The following DOCK3 variants were observed in gnomAD, a reference collection of about 807,000 sequenced individuals.
DOCK3 encodes the protein dedicator of cytokinesis 3.
DOCK3 carries 60 observed loss-of-function variants against 265.6 expected under a neutral mutation model. The observed-to-expected ratio is 0.23, with a 90% CI of 0.18 to 0.28. The LOEUF (loss-of-function observed/expected upper bound fraction) is 0.28. Ranked by LOEUF, DOCK3 falls within the 10% of genes least tolerant of loss-of-function variation. The pLI is 1.00. For synonymous variants in DOCK3, 881 were observed against 938.0 expected, an observed-to-expected ratio of 0.94 and a Z score of 1.11; for missense variants, 1,981 against 2,594.3, an observed-to-expected ratio of 0.76 and a Z score of 5.14.
At chr3:51,264,846 A>AAATAAATAAATAAATG (rs2080072992) in intron 23 of DOCK3, among the ~76,000 whole-genome samples, 1 of 151,096 alleles carries the variant, frequency 6.6e-6, no homozygotes, top group Non-Finnish European at 1.5e-5. Context: ...ATAAATAAAT[A>AAATAAATAAATAAATG]AATAAATAAA....
At chr3:50,766,665 A>T (rs1165691524) in intron 1 of DOCK3, among the ~76,000 whole-genome samples, 1 of 152,122 alleles carries the variant, frequency 6.6e-6, no homozygotes, top group African/African-American at 2.4e-5. Flanking sequence ...GTCAAATGGT[A>T]TTTCTAGTTC....
chr3:50,833,164 CT>C (rs1237020239), intron 2 of DOCK3, among the ~76,000 whole-genome samples: 1 of 152,126 alleles, frequency 6.6e-6, no homozygotes, highest in Non-Finnish European at 1.5e-5. Context: ...ACTCATCCCT[CT>C]GTTTCTTCTG....
Position 51,356,202 on chromosome 3 carries a change from C to G in DOCK3, c.4363C>G (p.Arg1455Gly). The G allele has an allele frequency of 6.2e-7, 1 of 1,613,936 alleles. No individual in the cohort carries two copies. The highest frequency in any genetic ancestry group is 8.5e-7 in the Non-Finnish European group (1 of 1,179,872). ...FYRVNNVRKF[R>G]YDRPFHKGPK... ...TCGCGTCAACAATGTGAGGAAGTTC[C>G]GGTATGACAGGCCTTTTCACAAAGG... The change falls in exon 42 of 53, where the codon CGG (arginine) becomes GGG (glycine). Residue 1455 changes from arginine to glycine, a missense_variant. By Grantham distance (125) the Arg-to-Gly change is moderately radical. Coordinates refer to ENST00000266037, the MANE Select transcript of DOCK3 (RefSeq NM_004947.5).
intron 5 of DOCK3, among the ~76,000 whole-genome samples, chr3:51,046,071 C>T (rs1387002102): frequency 6.6e-6 from 1 of 151,150 alleles, no homozygotes; most frequent in Non-Finnish European, 1.5e-5. Flanking sequence ...TAATGGTAAC[C>T]ACAAAGAAAA....
At chr3:50,702,644 C>G (rs565760647) in intron 1 of DOCK3, among the ~76,000 whole-genome samples, 24 of 152,226 alleles carry the variant, frequency 1.6e-4, no homozygotes, top group South Asian at 8.3e-4. Flanking sequence ...GCTGGGATTA[C>G]AGATGTGAGC....
At chr3:50,890,567 A>C (rs1322137280) in intron 4 of DOCK3, among the ~76,000 whole-genome samples, 1 of 152,170 alleles carries the variant, frequency 6.6e-6, no homozygotes, top group Non-Finnish European at 1.5e-5. Context: ...TAAATATATC[A>C]AAATGTTAAC....
At chr3:51,271,076 C>T in intron 24 of DOCK3, 69 bp downstream of exon 24, 1 of 1,476,448 alleles carries the variant, frequency 6.8e-7, no homozygotes, top group Non-Finnish European at 9.2e-7. Flanking sequence ...GGGGTGATAG[C>T]AAAGTGATAA....
intron 5 of DOCK3, among the ~76,000 whole-genome samples, chr3:51,007,390 T>C (rs1246543927): frequency 2.0e-5 from 3 of 152,346 alleles, no homozygotes; most frequent in Non-Finnish European, 2.9e-5. Context: ...ATGAGCATTT[T>C]TTCATGTGTC....
At chr3:51,024,380 A>C (rs1452383071) in intron 5 of DOCK3, among the ~76,000 whole-genome samples, 1 of 152,188 alleles carries the variant, frequency 6.6e-6, no homozygotes, top group Non-Finnish European at 1.5e-5. Context: ...TTGTGGATGT[A>C]TCCCTGGGTA....
At chr3:50,700,654 A>C (rs1374581346) in intron 1 of DOCK3, among the ~76,000 whole-genome samples, 4 of 107,272 alleles carry the variant, frequency 3.7e-5, no homozygotes, top group African/African-American at 1.3e-4. Context: ...TTGTGTGTAC[A>C]TACCACATTA....
chr3:51,358,695 C>A (rs2086536003), intron 46 of DOCK3, among the ~76,000 whole-genome samples: 1 of 152,176 alleles, frequency 6.6e-6, no homozygotes, highest in African/African-American at 2.4e-5. Context: ...TTAAAGGAGT[C>A]AAGCAGGTCC....
intron 23 of DOCK3, among the ~76,000 whole-genome samples, chr3:51,262,801 A>C (rs571170191): frequency 5.9e-5 from 9 of 152,342 alleles, no homozygotes; most frequent in African/African-American, 1.9e-4. Context: ...AAACTGATCA[A>C]GTGGAAGAAA....
rs1298859388 is a variant in DOCK3 at position 50,743,090 on chromosome 3, C to T, written c.38-35585C>T. On this transcript the variant is annotated intron_variant, in intron 1 of 52. Coordinates refer to ENST00000266037, the MANE Select transcript of DOCK3 (RefSeq NM_004947.5). ...ACCCAGAATTTCATATCCAGCCAAACTAAGCTTCATAAGTGAAGGAGAAAT... is the reference window on the plus strand; with the variant it reads ...ACCCAGAATTTCATATCCAGCCAAATTAAGCTTCATAAGTGAAGGAGAAAT... Among the ~76,000 whole-genome samples, 13 of 151,868 alleles carry T rather than the reference C, an allele frequency of 8.6e-5. No homozygotes were observed. The East Asian group carries it at 2.3e-3, about 27-fold the overall frequency.
intron 10 of DOCK3, among the ~76,000 whole-genome samples, chr3:51,151,188 T>G (rs1048619336): frequency 6.6e-6 from 1 of 152,170 alleles, no homozygotes; most frequent in African/African-American, 2.4e-5. Flanking sequence ...ATCCCTTTAT[T>G]TTGAGCCTAT....
rs753236116 is a variant in DOCK3 at position 50,704,211 on chromosome 3, A to G, written c.37+28911A>G. On this transcript the variant is annotated intron_variant, in intron 1 of 52. Transcript: ENST00000266037. ...CCTAACGTATGGTCTATCCTGGGAA[A>G]ACTTTTATGTGCTGATGTGAAGAAT... is the stretch of plus-strand genomic sequence containing the variant. Among the ~76,000 whole-genome samples, 4 of 152,154 alleles carry G rather than the reference A, an allele frequency of 2.6e-5. No homozygotes were observed. The South Asian group carries it at 8.3e-4, about 32-fold the overall frequency.
chr3:50,685,823 C>A, intron 1 of DOCK3: 1 of 173,184 alleles, frequency 5.8e-6, no homozygotes. Flanking sequence ...TTGACGGTGG[C>A]TGGTGGCAGG....
In DOCK3 at chr3:51,381,649, G is replaced by A. The variant is rs2088659220; in HGVS notation, c.*90G>A. 1 of 1,429,262 alleles carries A rather than the reference G, an allele frequency of 7.0e-7. No homozygotes were observed. Among genetic ancestry groups the A allele is most frequent in the Non-Finnish European group, 9.1e-7 (1 of 1,094,854 alleles). 88.5% of individuals were successfully genotyped at this position (1,429,262 alleles called of 1,614,324 possible). A position where few individuals can be genotyped will look rare whatever the true frequency, so the allele number is the denominator to read the frequency against. ...AAGCAAGTCCCCCAGCCCCACCCCA[G>A]GGAGCCAGAGAGGCTTGCACTCAGG... On this transcript the variant is annotated 3_prime_UTR_variant, in exon 53 of 53. Coordinates refer to ENST00000266037, the MANE Select transcript of DOCK3 (RefSeq NM_004947.5). The surrounding 1 kb of genome is among the most constrained non-coding windows in gnomAD (Gnocchi z 5.6).
chr3:51,343,207 G>C (rs2085350224), intron 38 of DOCK3, among the ~76,000 whole-genome samples: 1 of 152,188 alleles, frequency 6.6e-6, no homozygotes, highest in Admixed American at 6.5e-5. Context: ...GGCAAGGAAA[G>C]AAAGGAGGAG....
intron 5 of DOCK3, among the ~76,000 whole-genome samples, chr3:51,041,192 ATATATATATATATTTTTTTTTTTTTTT>A (rs1250997433): frequency 6.5e-5 from 1 of 15,336 alleles, no homozygotes; most frequent in Non-Finnish European, 1.0e-4. Context: ...ATATATATAT[ATATATATATATATTTTTTTTTTTTTTT>A]TTTTTTTTTT....
Sources: gnomAD v4.1 joint callset for allele counts (sites outside exome capture counted in the v4.1 genomes callset) on GRCh38, gnomAD v4.1.1 for gene constraint, Gnocchi (gnomAD v3.1) non-coding constraint, MANE v1.5 for transcripts, NCBI Gene and HGNC (gene_info 2026-07-23, HGNC 2026-07-21) for gene names.